INPP5A: variants seen among roughly 807,000 people sequenced by gnomAD.
The protein encoded by INPP5A is 43 kDa inositol polyphosphate 5-phophatase.
A neutral mutation model predicts 65.2 loss-of-function variants in INPP5A; 14 were observed. That is an observed-to-expected ratio of 0.21 (90% confidence interval 0.14 to 0.34). INPP5A has a LOEUF of 0.34. INPP5A is among the 10% of genes least tolerant of loss of function. The pLI, the probability that INPP5A is intolerant of heterozygous loss-of-function variation, is 1.00. For missense variants in INPP5A, 431 were observed against 545.6 expected, an observed-to-expected ratio of 0.79 and a Z score of 2.09; for synonymous variants, 207 against 208.3, an observed-to-expected ratio of 0.99 and a Z score of 0.05.
At chr10:132,554,020 C>T (rs544611874) in intron 1 of INPP5A, among the ~76,000 whole-genome samples, 35 of 147,850 alleles carry the variant, frequency 2.4e-4, no homozygotes, top group East Asian at 8.2e-4. Flanking sequence ...GATTGGTGAA[C>T]GCCTTCTCAG....
rs1222779396 is a variant in INPP5A at position 132,555,085 on chromosome 10, G to A, written c.75+16914G>A. Among the ~76,000 whole-genome samples, 1 of 151,862 alleles carries A rather than the reference G, an allele frequency of 6.6e-6. No individual in the cohort carries two copies. Among genetic ancestry groups the A allele is most frequent in the Non-Finnish European group, 1.5e-5 (1 of 67,942 alleles). ...TGGTTGGCATTGATGTGGGTAGCAT[G>A]GGCAGTGTGGGTGGCATGGCTGCTG... On this transcript the variant is annotated intron_variant, in intron 1 of 15. Coordinates refer to ENST00000368594, the MANE Select transcript of INPP5A (RefSeq NM_005539.5). This position sits in a 1 kb window ranked among gnomAD's most constrained non-coding sequence, Gnocchi z 4.4.
chr10:132,727,751 G>T lies in INPP5A; in HGVS notation c.732+846G>T, dbSNP rs1439609490. On this transcript the variant is annotated intron_variant, in intron 9 of 15. Transcript: ENST00000368594. The surrounding 1 kb of genome is among the most constrained non-coding windows in gnomAD (Gnocchi z 6.5). ...GCATGAGCTGACAGCCCACAGCGGG[G>T]CCACAGTAAGTTGGATGGGGCCACG... 6.6e-6 allele frequency among the ~76,000 whole-genome samples: 1 copy of T among 152,184 alleles called. No homozygotes were observed. The highest frequency in any genetic ancestry group is 1.5e-5 in the Non-Finnish European group (1 of 68,040).
chr10:132,581,579 T>A (rs2071483829), intron 1 of INPP5A, among the ~76,000 whole-genome samples: 1 of 152,190 alleles, frequency 6.6e-6, no homozygotes, highest in Non-Finnish European at 1.5e-5. Context: ...TTTTAGCTCT[T>A]CTGGCGGGTG....
rs1480061367 is a variant in INPP5A, at chr10:132,720,377, T to C, written c.648-6444T>C. On this transcript the variant is annotated intron_variant, in intron 8 of 15. Coordinates refer to ENST00000368594, the MANE Select transcript of INPP5A (RefSeq NM_005539.5). Reference sequence around the variant, plus strand: ...TCAGGGTTCTGTGGTACCTGGGTTCTGTCTGGGCACCTTAGACGGCTGTCT... The same window carrying C: ...TCAGGGTTCTGTGGTACCTGGGTTCCGTCTGGGCACCTTAGACGGCTGTCT... Among the ~76,000 whole-genome samples, 3 of 147,438 alleles carry C rather than the reference T, an allele frequency of 2.0e-5. No homozygotes were observed. The East Asian group carries it at 5.9e-4, about 29-fold the overall frequency.
intron 9 of INPP5A, among the ~76,000 whole-genome samples, chr10:132,746,710 C>T (rs139556565): frequency 3.9e-5 from 6 of 152,364 alleles, no homozygotes; most frequent in Non-Finnish European, 5.9e-5. Flanking sequence ...CCTCTCCTTG[C>T]GGCTGCTAAT....
chr10:132,717,449 T>A (rs1845760677), intron 8 of INPP5A, among the ~76,000 whole-genome samples: 1 of 151,572 alleles, frequency 6.6e-6, no homozygotes, highest in Non-Finnish European at 1.5e-5. Context: ...TTGGGGGCTC[T>A]GCTAGCCCTG....
At chr10:132,607,451 C>T (rs980411742) in intron 1 of INPP5A, among the ~76,000 whole-genome samples, 1 of 152,232 alleles carries the variant, frequency 6.6e-6, no homozygotes, top group Admixed American at 6.5e-5. Flanking sequence ...ATGCCATATG[C>T]GACCATGATG....
intron 1 of INPP5A, among the ~76,000 whole-genome samples, chr10:132,568,751 C>A (rs1176197768): frequency 2.0e-5 from 3 of 151,834 alleles, no homozygotes; most frequent in Non-Finnish European, 2.9e-5. Context: ...GAGTGAAACT[C>A]TGTCTCAAAC....
intron 1 of INPP5A, among the ~76,000 whole-genome samples, chr10:132,563,181 C>G (rs1244060795): frequency 6.6e-6 from 1 of 152,212 alleles, no homozygotes; most frequent in Non-Finnish European, 1.5e-5. Context: ...AGCAGCCACA[C>G]TTGGCGGCTG....
chr10:132,647,458 C>T (rs2072512667), intron 3 of INPP5A, among the ~76,000 whole-genome samples: 1 of 152,142 alleles, frequency 6.6e-6, no homozygotes, highest in African/African-American at 2.4e-5. Context: ...CGGCATTTTT[C>T]CTAACACTCA....
At chr10:132,688,626 AGTGC>A (rs1484611627) in intron 4 of INPP5A, among the ~76,000 whole-genome samples, 2 of 150,852 alleles carry the variant, frequency 1.3e-5, no homozygotes, top group East Asian at 2.0e-4. Flanking sequence ...AGTGTGAGCA[AGTGC>A]GTGCGTGTGC....
intron 1 of INPP5A, among the ~76,000 whole-genome samples, chr10:132,596,772 T>C (rs922009650): frequency 2.0e-5 from 3 of 151,762 alleles, no homozygotes; most frequent in East Asian, 3.9e-4. Flanking sequence ...TGCATGCATG[T>C]GTGTTTGTGT....
intron 1 of INPP5A, among the ~76,000 whole-genome samples, chr10:132,599,824 C>T (rs1402238278): frequency 6.6e-6 from 1 of 152,250 alleles, no homozygotes; most frequent in African/African-American, 2.4e-5. Flanking sequence ...AGGCTCAACA[C>T]CACTGGCAGC....
At chr10:132,688,822 C>CTG (rs1845198655) in intron 4 of INPP5A, among the ~76,000 whole-genome samples, 1 of 3,400 alleles carries the variant, frequency 2.9e-4, no homozygotes, top group South Asian at 0.021. Context: ...GAGTGCATGA[C>CTG]TGAGTGCAAG....
rs1048016939 is a variant in INPP5A, at chr10:132,698,928, G to A, written c.474+1009G>A. Among the ~76,000 whole-genome samples, 1 of 152,248 alleles carries A rather than the reference G, an allele frequency of 6.6e-6. No homozygotes were observed. The highest frequency in any genetic ancestry group is 2.4e-5 in the African/African-American group (1 of 41,468). ...TGAGTGAGGGACTGTGGCCGCCCGT[G>A]AAGGATGGGGTGCTCCTGTCACCCT... On this transcript the variant is annotated intron_variant, in intron 6 of 15. Transcript: ENST00000368594. The surrounding 1 kb of genome is among the most constrained non-coding windows in gnomAD (Gnocchi z 5.5).
At chr10:132,691,189 T>C (rs2786894) in intron 5 of INPP5A, among the ~76,000 whole-genome samples, 19,404 of 152,090 alleles carry the variant, frequency 0.13, 1,313 homozygotes, top group African/African-American at 0.15. Flanking sequence ...AATTGCGCGG[T>C]AGTCTTATCT....
rs111650161 is a variant in INPP5A at position 132,609,135 on chromosome 10, A to G, written c.117+1179A>G. On this transcript the variant is annotated intron_variant, in intron 2 of 15. Transcript: ENST00000368594. ...TGTGGTGAGGAAGCCATTGTTCTAC[A>G]GGGACCTGATAAATCTCTCTCCGTA... Among the ~76,000 whole-genome samples, 1,327 of 152,362 alleles carry G rather than the reference A, an allele frequency of 8.7e-3. 18 individuals are homozygous for G. The highest frequency in any genetic ancestry group is 0.031 in the African/African-American group (1,271 of 41,580).
chr10:132,659,715 C>A lies in INPP5A; in HGVS notation c.306+9210C>A, dbSNP rs945689527. 6.6e-6 allele frequency among the ~76,000 whole-genome samples: 1 copy of A among 152,226 alleles called. No individual in the cohort carries two copies. Among genetic ancestry groups the A allele is most frequent in the Non-Finnish European group, 1.5e-5 (1 of 68,038 alleles). On this transcript the variant is annotated intron_variant, in intron 4 of 15. Transcript: ENST00000368594. This position sits in a 1 kb window ranked among gnomAD's most constrained non-coding sequence, Gnocchi z 5.5. ...TCAGGAGAACAACCCACTTGGCAGG[C>A]GGCAACCTTGCCTGGCACTCACCAG...
At chr10:132,556,251 C>T (rs1564914642) in intron 1 of INPP5A, among the ~76,000 whole-genome samples, 2 of 152,112 alleles carry the variant, frequency 1.3e-5, no homozygotes, top group South Asian at 4.1e-4. Flanking sequence ...AGCATTTTAA[C>T]TGCTGTGAAA....
Sources: gnomAD v4.1 joint callset for allele counts (sites outside exome capture counted in the v4.1 genomes callset) on GRCh38, gnomAD v4.1.1 for gene constraint, Gnocchi (gnomAD v3.1) non-coding constraint, MANE v1.5 for transcripts, NCBI Gene and HGNC (gene_info 2026-07-23, HGNC 2026-07-21) for gene names.